The following FHIT variants were observed in gnomAD, a reference collection of about 807,000 sequenced individuals.
FHIT encodes the protein bis(5'-adenosyl)-triphosphatase.
FHIT carries 19 observed loss-of-function variants against 17.9 expected under a neutral mutation model. The observed-to-expected ratio is 1.06, with a 90% CI of 0.74 to 1.56. FHIT has a LOEUF of 1.56. Ranked by LOEUF, FHIT falls within the 40% of genes most tolerant of loss-of-function variation. The pLI is 0.00. For synonymous variants in FHIT, 81 were observed against 69.7 expected, an observed-to-expected ratio of 1.16 and a Z score of -0.81; for missense variants, 248 against 189.2, an observed-to-expected ratio of 1.31 and a Z score of -1.82.
chr3:60,714,411 A>G (rs1404327199), intron 4 of FHIT, among the ~76,000 whole-genome samples: 3 of 152,098 alleles, frequency 2.0e-5, no homozygotes, highest in Non-Finnish European at 4.4e-5. Context: ...CCTATTCAAC[A>G]TAGTGTTGGA....
At chr3:60,145,571 T>C (rs183883201) in intron 5 of FHIT, among the ~76,000 whole-genome samples, 54 of 152,334 alleles carry the variant, frequency 3.5e-4, no homozygotes, top group African/African-American at 1.3e-3. Context: ...ATAGGCATTC[T>C]GTTCTCAAAT....
intron 7 of FHIT, among the ~76,000 whole-genome samples, chr3:59,979,605 T>C (rs966737298): frequency 5.3e-5 from 8 of 152,122 alleles, no homozygotes; most frequent in African/African-American, 1.9e-4. Context: ...TAAGAAATTA[T>C]TGGTTAAGCC....
At chr3:60,176,219 G>T (rs376690038) in intron 5 of FHIT, among the ~76,000 whole-genome samples, 1 of 152,074 alleles carries the variant, frequency 6.6e-6, no homozygotes, top group Non-Finnish European at 1.5e-5. Flanking sequence ...GGGCATGTTG[G>T]TATGTGCCTG....
intron 7 of FHIT, among the ~76,000 whole-genome samples, chr3:59,997,313 T>C (rs1699554075): frequency 2.0e-5 from 3 of 152,034 alleles, no homozygotes; most frequent in Non-Finnish European, 2.9e-5. Context: ...GAAGAAGAAA[T>C]AGAGAATCAA....
intron 8 of FHIT, among the ~76,000 whole-genome samples, chr3:59,861,228 C>G (rs778740217): frequency 1.3e-5 from 2 of 152,104 alleles, no homozygotes; most frequent in Non-Finnish European, 2.9e-5. Flanking sequence ...CCATGGCAAA[C>G]ATGGACACCA....
chr3:61,209,293 T>G (rs888471801), intron 1 of FHIT, among the ~76,000 whole-genome samples: 1 of 152,208 alleles, frequency 6.6e-6, no homozygotes, highest in South Asian at 2.1e-4. Flanking sequence ...CAATGAAGTG[T>G]CTTGGAGTTG....
At chr3:61,194,922 A>T (rs1199231063) in intron 2 of FHIT, among the ~76,000 whole-genome samples, 1 of 151,268 alleles carries the variant, frequency 6.6e-6, no homozygotes, top group African/African-American at 2.4e-5. Flanking sequence ...ACACCTAGGG[A>T]TGAGAAAACC....
At chr3:60,934,476 T>C (rs1266004243) in intron 3 of FHIT, among the ~76,000 whole-genome samples, 12 of 152,186 alleles carry the variant, frequency 7.9e-5, no homozygotes, top group South Asian at 6.2e-4. Context: ...GCTGGACAGA[T>C]GGTTATACCA....
chr3:60,104,482 C>T (rs1197736015), intron 5 of FHIT, among the ~76,000 whole-genome samples: 3 of 147,480 alleles, frequency 2.0e-5, no homozygotes, highest in Non-Finnish European at 4.5e-5. Context: ...GTGAATTAAA[C>T]TTTTTTTTTT....
chr3:60,794,423 A>G lies in FHIT; in HGVS notation c.-18+27496T>C, dbSNP rs145664256. Among the ~76,000 whole-genome samples, 4 of 122,570 alleles carry G rather than the reference A, an allele frequency of 3.3e-5. No homozygotes were observed. The East Asian group carries it at 7.3e-4, about 22-fold the overall frequency. 80.4% of individuals were successfully genotyped at this position (122,570 alleles called of 152,430 possible). ...ATGGATGGATGGATGGATGGATACTACACTTCATTGATTTAAAGATAAAAC... is the reference window on the plus strand; with the variant it reads ...ATGGATGGATGGATGGATGGATACTGCACTTCATTGATTTAAAGATAAAAC... On this transcript the variant is annotated intron_variant, in intron 4 of 9. Coordinates refer to ENST00000492590, the MANE Select transcript of FHIT (RefSeq NM_002012.4).
chr3:59,951,608 C>T (rs886519406), intron 7 of FHIT, among the ~76,000 whole-genome samples: 1 of 152,166 alleles, frequency 6.6e-6, no homozygotes, highest in African/African-American at 2.4e-5. Context: ...GATCATCAGG[C>T]CTTGTGCCCC....
intron 5 of FHIT, among the ~76,000 whole-genome samples, chr3:60,188,750 A>T (rs749085591): frequency 6.6e-6 from 1 of 152,162 alleles, no homozygotes; most frequent in Non-Finnish European, 1.5e-5. Context: ...TTTCCATCTC[A>T]AGTGAAATCT....
intron 5 of FHIT, among the ~76,000 whole-genome samples, chr3:60,234,745 G>T (rs1029853005): frequency 5.3e-5 from 8 of 152,122 alleles, no homozygotes; most frequent in African/African-American, 1.9e-4. Context: ...TAATCTCAAA[G>T]ATCCAAACTG....
intron 5 of FHIT, among the ~76,000 whole-genome samples, chr3:60,317,269 A>G (rs923073009): frequency 2.0e-5 from 3 of 152,046 alleles, no homozygotes; most frequent in Non-Finnish European, 4.4e-5. Flanking sequence ...ATCAATCCCT[A>G]TAACAAGTGC....
At chr3:59,807,790 C>T (rs918392425) in intron 8 of FHIT, among the ~76,000 whole-genome samples, 10 of 151,810 alleles carry the variant, frequency 6.6e-5, no homozygotes, top group African/African-American at 2.2e-4. Context: ...TGATGGTTTC[C>T]GCAAACACAG....
chr3:59,845,488 T>C (rs1205738902), intron 8 of FHIT, among the ~76,000 whole-genome samples: 1 of 152,142 alleles, frequency 6.6e-6, no homozygotes, highest in Admixed American at 6.6e-5. Context: ...TTTTCATTTG[T>C]CTTTTAAGTA....
In FHIT at chr3:60,084,094, C is replaced by T. The variant is rs77932763; in HGVS notation, c.104-69942G>A. ...TTTTAACAAAATATGATCCTCTATA[C>T]GTACATACATAATGTTGTATAAGGA... On this transcript the variant is annotated intron_variant, in intron 5 of 9. Transcript: ENST00000492590. Among the ~76,000 whole-genome samples, 166 of 152,096 alleles carry T rather than the reference C, an allele frequency of 1.1e-3. No individual in the cohort carries two copies. The East Asian group carries it at 0.025, about 23-fold the overall frequency.
chr3:60,541,759 T>C (rs917736289), intron 4 of FHIT, among the ~76,000 whole-genome samples: 2 of 152,154 alleles, frequency 1.3e-5, no homozygotes, highest in Non-Finnish European at 2.9e-5. Context: ...GCAAAGACAG[T>C]GAAGACACAG....
intron 5 of FHIT, among the ~76,000 whole-genome samples, chr3:60,428,440 G>A (rs1702757407): frequency 6.6e-6 from 1 of 152,114 alleles, no homozygotes; most frequent in South Asian, 2.1e-4. Context: ...GAACCATCAG[G>A]GTAAACTGAA....
Sources: allele counts gnomAD v4.1 joint callset (sites outside exome capture counted in the v4.1 genomes callset), GRCh38; gene constraint gnomAD v4.1.1; transcripts MANE v1.5; gene names NCBI Gene and HGNC (gene_info 2026-07-23, HGNC 2026-07-21).